The following GABRP variants were observed in gnomAD, a reference collection of about 807,000 sequenced individuals.
GABRP encodes gamma-aminobutyric acid receptor subunit pi.
A neutral mutation model predicts 47.8 loss-of-function variants in GABRP; 52 were observed. The observed-to-expected ratio is 1.09, with a 90% confidence interval of 0.87 to 1.37. The LOEUF is 1.37. Among genes scored for constraint, GABRP ranks in the 40% most tolerant of loss-of-function variants. GABRP has a pLI of 0.00. For missense variants in GABRP, 525 were observed against 542.8 expected, an observed-to-expected ratio of 0.97 and a Z score of 0.33; for synonymous variants, 221 against 205.8, an observed-to-expected ratio of 1.07 and a Z score of -0.63.
chr5:170,803,131 G>T (rs1189995914), intron 6 of GABRP, among the ~76,000 whole-genome samples: 1 of 152,030 alleles, frequency 6.6e-6, no homozygotes, highest in African/African-American at 2.4e-5. Flanking sequence ...TACATGTTTG[G>T]ATGCTTCCAA....
rs775148210 is a variant in GABRP, at chr5:170,797,553, GTA to G, written c.541+8_541+9del. 1 of 1,573,842 alleles carries G rather than the reference GTA, an allele frequency of 6.4e-7. No individual in the cohort carries two copies. The highest frequency in any genetic ancestry group is 1.1e-5 in the South Asian group (1 of 90,266). ...GCAAGTTGCAGCTGGAAAGCTGTAA[GTA>G]TACATCCTACAGGCTCCTGAGATGA... On this transcript the variant is annotated splice_donor_region_variant and intron_variant, in intron 6 of 9. Transcript: ENST00000265294.
intron 5 of GABRP, among the ~76,000 whole-genome samples, chr5:170,797,162 T>C (rs976935641): frequency 1.3e-5 from 2 of 152,218 alleles, no homozygotes; most frequent in South Asian, 2.1e-4. Flanking sequence ...GAAGATAAAA[T>C]TTAAAAACTG....
intron 8 of GABRP, 98 bp from the exon 9 acceptor site, chr5:170,809,470 C>A: frequency 1.7e-6 from 2 of 1,178,140 alleles, no homozygotes; most frequent in African/African-American, 1.5e-5. Flanking sequence ...CTGGGTCTTG[C>A]CCTCACCCTG....
At chr5:170,793,385 C>T (rs113651436) in intron 3 of GABRP, among the ~76,000 whole-genome samples, 1 of 152,316 alleles carries the variant, frequency 6.6e-6, no homozygotes, top group Non-Finnish European at 1.5e-5. Flanking sequence ...ACACCTCAGT[C>T]TCTAGAGATA....
chr5:170,808,973 G>A (rs542959322), intron 8 of GABRP, among the ~76,000 whole-genome samples: 2 of 151,652 alleles, frequency 1.3e-5, no homozygotes, highest in Admixed American at 6.6e-5. Context: ...TTTCACTCTT[G>A]TTGCCCAGGT....
At chr5:170,810,104 C>T (rs538950213) in intron 9 of GABRP, 1 of 514,128 alleles carries the variant, frequency 1.9e-6, no homozygotes, top group East Asian at 3.1e-5. Context: ...TATATATTTA[C>T]TATTTAATTC....
At chr5:170,789,316 T>A in intron 3 of GABRP, 69 bp downstream of exon 3, 1 of 972,780 alleles carries the variant, frequency 1.0e-6, no homozygotes, top group Non-Finnish European at 1.6e-6. Context: ...CAGTGGAGGG[T>A]TTCGGGAGGT....
chr5:170,808,794 A>G, intron 8 of GABRP, 42 bp downstream of exon 8: 1 of 1,583,668 alleles, frequency 6.3e-7, no homozygotes, highest in Non-Finnish European at 8.6e-7. Context: ...CTGGCTTATC[A>G]GGTTACTTAC....
At chr5:170,806,576 G>A (rs757295288) in intron 7 of GABRP, among the ~76,000 whole-genome samples, 35 of 152,230 alleles carry the variant, frequency 2.3e-4, no homozygotes, top group Non-Finnish European at 4.7e-4. Context: ...CTGAGTAGCC[G>A]GGATTACAGG....
In GABRP at chr5:170,792,263, T is replaced by C. The variant is rs1765294024; in HGVS notation, c.173-1968T>C. Among the ~76,000 whole-genome samples, 5 of 151,982 alleles carry C rather than the reference T, an allele frequency of 3.3e-5. No homozygotes were observed. In the South Asian group the frequency reaches 1.0e-3, roughly 32 times the overall value. ...TTAGAGACCAGCCTGGTCAACATGG[T>C]GAAACCCCATCTTTACTAAAAATAC... On this transcript the variant is annotated intron_variant, in intron 3 of 9. Transcript: ENST00000265294.
intron 7 of GABRP, 22 bp from the exon 8 acceptor site, chr5:170,808,578 T>C (rs1581607540): frequency 2.5e-6 from 4 of 1,608,736 alleles, no homozygotes; most frequent in Non-Finnish European, 3.4e-6. Flanking sequence ...CACAATTTCC[T>C]ATCTGTTGTT....
chr5:170,811,457 C>T (rs1765881578), intron 9 of GABRP, among the ~76,000 whole-genome samples: 1 of 152,006 alleles, frequency 6.6e-6, no homozygotes, highest in African/African-American at 2.4e-5. Context: ...CTCTCGTAAT[C>T]AGTTACTCCT....
intron 1 of GABRP, among the ~76,000 whole-genome samples, chr5:170,785,781 C>T (rs1260133002): frequency 6.6e-6 from 1 of 152,196 alleles, no homozygotes; most frequent in Non-Finnish European, 1.5e-5. Flanking sequence ...GAACCATGTT[C>T]CTTCAGGCCA....
chr5:170,798,685 C>T (rs1581598149), intron 6 of GABRP, among the ~76,000 whole-genome samples: 1 of 152,150 alleles, frequency 6.6e-6, no homozygotes, highest in South Asian at 2.1e-4. Flanking sequence ...AGGTCATGGA[C>T]TTTTCATCAA....
chr5:170,792,367 A>T (rs1765297438), intron 3 of GABRP, among the ~76,000 whole-genome samples: 1 of 151,838 alleles, frequency 6.6e-6, no homozygotes, highest in Non-Finnish European at 1.5e-5. Flanking sequence ...ACTTGAATCC[A>T]GGAGGCAGAG....
intron 6 of GABRP, among the ~76,000 whole-genome samples, chr5:170,804,205 TATATATTCA>T (rs1254494308): frequency 6.7e-6 from 1 of 149,954 alleles, no homozygotes; most frequent in African/African-American, 2.5e-5. Flanking sequence ...TATATATATA[TATATATTCA>T]TGTGAGATAG....
At position 170,790,872 on chromosome 5, in the gene GABRP, G is replaced by A. The variant is rs565584338; in HGVS notation, c.172+1625G>A. On this transcript the variant is annotated intron_variant, in intron 3 of 9. Transcript: ENST00000265294. ...TGGTAGATTCCAAAGCACAGCAGCC[G>A]AGGCCCTCAGTCAATCACACCTGCT... Among the ~76,000 whole-genome samples, 162 of 152,236 alleles carry A rather than the reference G, an allele frequency of 1.1e-3. 1 individual carries two copies. Among genetic ancestry groups the A allele is most frequent in the African/African-American group, 3.5e-3 (145 of 41,544 alleles).
chr5:170,803,059 C>T (rs1765637574), intron 6 of GABRP, among the ~76,000 whole-genome samples: 1 of 152,068 alleles, frequency 6.6e-6, no homozygotes, highest in Admixed American at 6.5e-5. Flanking sequence ...CTTGTACTAC[C>T]CACTTTCATA....
At position 170,809,548 on chromosome 5, in the gene GABRP, TC is replaced by T; in HGVS notation, c.833-16del. On this transcript the variant is annotated intron_variant, in intron 8 of 9. Transcript: ENST00000265294. ...ACTAACCAGTCACTTTGTAGGAACA[TC>T]CCCTGCCTGTTTTCCCAGGAGTGAC... The T allele has an allele frequency of 6.2e-7, 1 of 1,612,330 alleles. No individual in the cohort carries two copies. Among genetic ancestry groups the T allele is most frequent in the South Asian group, 1.1e-5 (1 of 90,988 alleles).
Sources: allele counts gnomAD v4.1 joint callset (sites outside exome capture counted in the v4.1 genomes callset), GRCh38; gene constraint gnomAD v4.1.1; transcripts MANE v1.5; gene names NCBI Gene and HGNC (gene_info 2026-07-23, HGNC 2026-07-21).